Variants in GNB1L observed in about 807,000 individuals in gnomAD.
The protein encoded by GNB1L is guanine nucleotide-binding protein subunit beta-like protein 1.
A neutral mutation model predicts 29.1 loss-of-function variants in GNB1L; 20 were observed. That is an observed-to-expected ratio of 0.69 (90% CI 0.48 to 1.00). GNB1L has a LOEUF of 1.00. GNB1L is among the 50% of genes least tolerant of loss of function. The probability of loss-of-function intolerance (pLI) is 0.00; values close to 1 mark genes in which losing one functional copy is unlikely to be tolerated. For missense variants in GNB1L, 421 were observed against 464.9 expected (o/e 0.91, Z 0.87); for synonymous variants, 193 against 206.5 (o/e 0.93, Z 0.56).
At chr22:19,814,144 T>C (rs1009048940) in intron 4 of GNB1L, among the ~76,000 whole-genome samples, 2 of 152,194 alleles carry the variant, frequency 1.3e-5, no homozygotes, top group African/African-American at 4.8e-5. Flanking sequence ...ATGTGTATTA[T>C]GTATCAGAAA....
intron 7 of GNB1L, among the ~76,000 whole-genome samples, chr22:19,794,206 C>T (rs887067520): frequency 6.6e-6 from 1 of 152,068 alleles, no homozygotes; most frequent in African/African-American, 2.4e-5. Context: ...GCTGTGATTG[C>T]ACCACTGCAC....
chr22:19,833,431 C>T (rs1460281923), intron 2 of GNB1L, among the ~76,000 whole-genome samples: 1 of 152,124 alleles, frequency 6.6e-6, no homozygotes, highest in Admixed American at 6.5e-5. Context: ...GTGGGCCAGG[C>T]GTGGTGGCTT....
chr22:19,840,413 T>C (rs1289327479), intron 2 of GNB1L, among the ~76,000 whole-genome samples: 1 of 152,174 alleles, frequency 6.6e-6, no homozygotes, highest in East Asian at 1.9e-4. Flanking sequence ...AAACAGCCAC[T>C]TTACAGCAGA....
At chr22:19,810,432 C>A (rs2145874152) in intron 5 of GNB1L, among the ~76,000 whole-genome samples, 1 of 152,186 alleles carries the variant, frequency 6.6e-6, no homozygotes, top group East Asian at 1.9e-4. Flanking sequence ...CCCTGATGCC[C>A]CACTCTGGGC....
chr22:19,789,000 C>T (rs1937221707), intron 7 of GNB1L, 40 bp from the exon 8 acceptor site: 2 of 1,561,028 alleles, frequency 1.3e-6, no homozygotes, highest in East Asian at 4.5e-5. Flanking sequence ...CTCCTTAAGC[C>T]CACAAGGCAG....
chr22:19,812,169 G>T, intron 5 of GNB1L, 116 bp downstream of exon 5: 3 of 1,107,250 alleles, frequency 2.7e-6, no homozygotes, highest in Admixed American at 2.7e-5. Context: ...TGAAGCTGCC[G>T]GCAGGTGGGC....
chr22:19,822,400 C>T (rs1011765011), intron 2 of GNB1L, among the ~76,000 whole-genome samples: 3 of 152,174 alleles, frequency 2.0e-5, no homozygotes, highest in Non-Finnish European at 4.4e-5. Context: ...GGGTCCGTGC[C>T]GAGCCCTTCC....
rs202004321 is a variant in GNB1L at position 19,847,431 on chromosome 22, G to A, written c.-21+7012C>T. The A allele has an allele frequency of 1.8e-4, 179 of 985,408 alleles. 1 individual carries two copies. In the African/African-American group the frequency reaches 3.0e-3, roughly 16 times the overall value. The allele number at this position is 985,408 out of a possible 1,614,324, so 61.0% of individuals were successfully genotyped here. A position where few individuals can be genotyped will look rare whatever the true frequency, so the allele number is the denominator to read the frequency against. ...AGTGACACCCATGAGGTGGGTGTTA[G>A]AGGGCCCAGACCCCAGCCAAGGCAC... On this transcript the variant is annotated intron_variant, in intron 2 of 7. Transcript: ENST00000329517.
intron 6 of GNB1L, among the ~76,000 whole-genome samples, chr22:19,804,926 C>T (rs1937415398): frequency 6.6e-6 from 1 of 152,236 alleles, no homozygotes; most frequent in African/African-American, 2.4e-5. Flanking sequence ...GACACCCTTC[C>T]CCAGGACCTG....
At chr22:19,853,339 C>G (rs1272155724) in intron 2 of GNB1L, among the ~76,000 whole-genome samples, 4 of 152,190 alleles carry the variant, frequency 2.6e-5, no homozygotes, top group Admixed American at 6.5e-5. Context: ...GCCCCTCCTT[C>G]TCCACGCAGC....
intron 2 of GNB1L, chr22:19,851,802 C>T (rs1219950044): frequency 6.2e-7 from 1 of 1,614,070 alleles, no homozygotes; most frequent in Non-Finnish European, 8.5e-7. Context: ...TAGGGGGCTG[C>T]CCAGGCCTGG....
rs1247255802 is a variant in GNB1L, at chr22:19,803,471, C to G, written c.517-1255G>C. Among the ~76,000 whole-genome samples the G allele has an allele frequency of 2.6e-5, 4 of 152,282 alleles. No homozygotes were observed. The South Asian group carries it at 8.3e-4, about 32-fold the overall frequency. On this transcript the variant is annotated intron_variant, in intron 6 of 7. Transcript: ENST00000329517. ...GCTGCCCCAGGGCCCCGAGTGTACT[C>G]AGCCCCCTGCCCCTCCCTGCAGAAG... is the stretch of plus-strand genomic sequence containing the variant.
Position 19,788,638 on chromosome 22 carries a change from A to G in GNB1L, c.*71T>C. On this transcript the variant is annotated 3_prime_UTR_variant, in exon 8 of 8. Coordinates refer to ENST00000329517, the MANE Select transcript of GNB1L (RefSeq NM_053004.3). ...GGTCCTCAGAGGCCCTTGAGGTTTC[A>G]GGCCAAGGCTGGGGCCTGATGCCCA... is the stretch of plus-strand genomic sequence containing the variant. 1 of 1,590,162 alleles carries G rather than the reference A, an allele frequency of 6.3e-7. No homozygotes were observed. Among genetic ancestry groups the G allele is most frequent in the Non-Finnish European group, 8.6e-7 (1 of 1,159,462 alleles).
rs1261030505 is a variant in GNB1L, at chr22:19,787,663, CGGGCCTTCAGCTAGAG to C, written c.*1030_*1045del. On this transcript the variant is annotated 3_prime_UTR_variant, in exon 8 of 8. Coordinates refer to ENST00000329517, the MANE Select transcript of GNB1L (RefSeq NM_053004.3). ...GCAACTGCCTCAAGGGAGGCCACCC[CGGGCCTTCAGCTAGAG>C]GGGCTCTTCCGGCAATCCGGGCAGA... 3 of 152,260 alleles carry C rather than the reference CGGGCCTTCAGCTAGAG, an allele frequency of 2.0e-5. No homozygotes were observed. The highest frequency in any genetic ancestry group is 4.4e-5 in the Non-Finnish European group (3 of 68,076). The allele number at this position is 152,260 out of a possible 1,614,324, so 9.4% of individuals were successfully genotyped here.
chr22:19,835,373 TAAAAAAAA>T (rs34652133), intron 2 of GNB1L, among the ~76,000 whole-genome samples: 6 of 136,288 alleles, frequency 4.4e-5, no homozygotes, highest in African/African-American at 1.6e-4. Context: ...CTTAAAAATG[TAAAAAAAA>T]AAAAAAACAA....
chr22:19,825,738 G>C (rs186508638), intron 2 of GNB1L, among the ~76,000 whole-genome samples: 2 of 151,664 alleles, frequency 1.3e-5, no homozygotes, highest in Admixed American at 6.6e-5. Context: ...GAGGATTGCT[G>C]GAGTCCAGAA....
intron 2 of GNB1L, among the ~76,000 whole-genome samples, chr22:19,843,465 G>A (rs1269277543): frequency 3.3e-5 from 5 of 152,170 alleles, no homozygotes; most frequent in African/African-American, 9.7e-5. Flanking sequence ...ACCGCCCCCC[G>A]GGCAGCAAGT....
intron 2 of GNB1L, among the ~76,000 whole-genome samples, chr22:19,827,974 AAT>A (rs1348678075): frequency 6.6e-6 from 1 of 152,234 alleles, no homozygotes; most frequent in African/African-American, 2.4e-5. Context: ...CGTACGATAG[AAT>A]ACTCCACAGA....
chr22:19,796,807 G>A (rs1367451325), intron 7 of GNB1L, among the ~76,000 whole-genome samples: 1 of 152,210 alleles, frequency 6.6e-6, no homozygotes, highest in Admixed American at 6.5e-5. Flanking sequence ...CTGACCCCAG[G>A]CAGGGCAGCA....
Sources: allele counts gnomAD v4.1 joint callset (sites outside exome capture counted in the v4.1 genomes callset), GRCh38; gene constraint gnomAD v4.1.1; transcripts MANE v1.5; gene names NCBI Gene and HGNC (gene_info 2026-07-23, HGNC 2026-07-21).